PRKN: variants seen among roughly 807,000 people sequenced by gnomAD.
PRKN encodes the protein E3 ubiquitin-protein ligase parkin.
PRKN carries 56 observed loss-of-function variants against 59.5 expected under a neutral mutation model. The observed-to-expected ratio is 0.94, with a 90% confidence interval of 0.76 to 1.18. The LOEUF (loss-of-function observed/expected upper bound fraction) is 1.18, where lower values mean the gene tolerates loss of function less well. PRKN is among the 50% of genes most tolerant of loss of function. The pLI, the probability that PRKN is intolerant of heterozygous loss-of-function variation, is 0.00. For synonymous variants in PRKN, 250 were observed against 222.1 expected (o/e 1.13, Z -1.12); for missense variants, 657 against 596.4 (o/e 1.10, Z -1.06).
chr6:162,419,833 C>G (rs1788861151), intron 2 of PRKN, among the ~76,000 whole-genome samples: 1 of 151,748 alleles, frequency 6.6e-6, no homozygotes, highest in Non-Finnish European at 1.5e-5. Flanking sequence ...GAGAGAGAAC[C>G]ATTTTAGAAA....
chr6:162,529,269 A>ACCG (rs72073497), intron 1 of PRKN, among the ~76,000 whole-genome samples: 1 of 67,792 alleles, frequency 1.5e-5, no homozygotes, highest in Non-Finnish European at 5.5e-5. Context: ...GTATAAAAAT[A>ACCG]CTTCATTCAA....
chr6:161,717,329 C>A (rs1171186580), intron 7 of PRKN, among the ~76,000 whole-genome samples: 1 of 152,166 alleles, frequency 6.6e-6, no homozygotes. Context: ...AGGTCCCACC[C>A]ACCTCCCAAC....
intron 1 of PRKN, among the ~76,000 whole-genome samples, chr6:162,612,241 T>G (rs1485934784): frequency 1.5e-4 from 20 of 137,748 alleles, no homozygotes; most frequent in African/African-American, 5.4e-4. Flanking sequence ...TTTATAATAA[T>G]AGAACTTAAA....
chr6:161,943,906 T>G (rs1779667043), intron 6 of PRKN, among the ~76,000 whole-genome samples: 1 of 148,126 alleles, frequency 6.8e-6, no homozygotes, highest in Non-Finnish European at 1.5e-5. Context: ...GGATGCAGCC[T>G]GAGGGATCAG....
intron 6 of PRKN, among the ~76,000 whole-genome samples, chr6:161,912,693 A>C (rs1240222480): frequency 6.6e-6 from 1 of 152,036 alleles, no homozygotes; most frequent in African/African-American, 2.4e-5. Flanking sequence ...GCCCCAGTCA[A>C]GCCATTCCAG....
Position 161,451,506 on chromosome 6 carries a change from C to A in PRKN, c.1084-64629G>T, listed in dbSNP as rs76355624. On this transcript the variant is annotated intron_variant, in intron 9 of 11. Coordinates refer to ENST00000366898, the MANE Select transcript of PRKN (RefSeq NM_004562.3). The surrounding 1 kb of genome is among the most constrained non-coding windows in gnomAD (Gnocchi z 5.9). ...GCAGCCTCAGGATACCACCTGCCCA[C>A]GGCCCACCTGAGGGAACCTGCTGCC... is the stretch of plus-strand genomic sequence containing the variant. 2.0e-5 allele frequency among the ~76,000 whole-genome samples: 3 copies of A among 152,122 alleles called. No homozygotes were observed. Among genetic ancestry groups the A allele is most frequent in the African/African-American group, 2.4e-5 (1 of 41,396 alleles).
intron 2 of PRKN, among the ~76,000 whole-genome samples, chr6:162,417,831 G>A (rs970935144): frequency 5.3e-5 from 8 of 152,326 alleles, no homozygotes; most frequent in African/African-American, 2.4e-5. Context: ...AAGTGTGAAC[G>A]TGATCATCAC....
At chr6:162,417,111 C>T (rs936931967) in intron 2 of PRKN, among the ~76,000 whole-genome samples, 8 of 152,120 alleles carry the variant, frequency 5.3e-5, no homozygotes, top group African/African-American at 9.7e-5. Flanking sequence ...GTAAGAGATG[C>T]AAACAATATT....
At chr6:162,490,608 C>T (rs904143208) in intron 1 of PRKN, among the ~76,000 whole-genome samples, 7 of 152,148 alleles carry the variant, frequency 4.6e-5, no homozygotes. Context: ...GAATTTCATG[C>T]TTATTTGATA....
At position 162,584,219 on chromosome 6, in the gene PRKN, AAAAAAC is replaced by A. The variant is rs372955472; in HGVS notation, c.8-140752_8-140747del. On this transcript the variant is annotated intron_variant, in intron 1 of 11. Coordinates refer to ENST00000366898, the MANE Select transcript of PRKN (RefSeq NM_004562.3). ...CAGAGTGAGACTCCGTCTCAAAAAAAAAAAACAAAAAACAAAAAACAAAAAACAAAA... is the reference window on the plus strand; with the variant it reads ...CAGAGTGAGACTCCGTCTCAAAAAAAAAAAAACAAAAAACAAAAAACAAAA... Among the ~76,000 whole-genome samples the A allele has an allele frequency of 2.5e-3, 237 of 95,444 alleles. 2 individuals carry two copies. Among genetic ancestry groups the A allele is most frequent in the Middle Eastern group, 5.3e-3 (1 of 190 alleles). 62.6% of individuals were successfully genotyped at this position (95,444 alleles called of 152,430 possible).
intron 4 of PRKN, among the ~76,000 whole-genome samples, chr6:162,125,549 T>TC (rs1781091697): frequency 6.6e-6 from 1 of 152,166 alleles, no homozygotes; most frequent in African/African-American, 2.4e-5. Flanking sequence ...TAGAACACGA[T>TC]TACCCCTGTG....
intron 7 of PRKN, among the ~76,000 whole-genome samples, chr6:161,671,015 GT>G (rs1043262552): frequency 2.0e-5 from 3 of 152,040 alleles, no homozygotes; most frequent in African/African-American, 4.8e-5. Context: ...GAAATGAAGT[GT>G]TTTTTCGTGT....
At chr6:161,824,158 C>T (rs138929658) in intron 6 of PRKN, among the ~76,000 whole-genome samples, 3 of 152,140 alleles carry the variant, frequency 2.0e-5, no homozygotes, top group Admixed American at 6.5e-5. Context: ...CCCAACGCCA[C>T]GAAGTAGGGA....
Position 161,753,412 on chromosome 6 carries a change from A to G in PRKN, c.871+32360T>C, listed in dbSNP as rs181722678. ...GGAATATCCCAGTGGGATGGAGGGG[A>G]AAAAAGCCAGGTTGGAAAGAGAGAA... is the stretch of plus-strand genomic sequence containing the variant. On this transcript the variant is annotated intron_variant, in intron 7 of 11. Transcript: ENST00000366898. Among the ~76,000 whole-genome samples the G allele has an allele frequency of 1.1e-3, 170 of 152,272 alleles. 1 individual carries two copies. The highest frequency in any genetic ancestry group is 3.9e-3 in the African/African-American group (164 of 41,548).
Position 161,526,069 on chromosome 6 carries a change from T to G in PRKN, c.1083+22785A>C, listed in dbSNP as rs1348159948. Among the ~76,000 whole-genome samples the G allele has an allele frequency of 2.0e-5, 3 of 152,170 alleles. No homozygotes were observed. Among genetic ancestry groups the G allele is most frequent in the Non-Finnish European group, 2.9e-5 (2 of 68,042 alleles). ...CTAAAGACCACTGCTTGAATACAAT[T>G]AAATGATCACTCACATATAATAGTG... On this transcript the variant is annotated intron_variant, in intron 9 of 11. Transcript: ENST00000366898. The surrounding 1 kb of genome is among the most constrained non-coding windows in gnomAD (Gnocchi z 4.1).
chr6:161,474,726 C>T (rs550198029), intron 9 of PRKN, among the ~76,000 whole-genome samples: 83 of 151,612 alleles, frequency 5.5e-4, no homozygotes, highest in African/African-American at 2.0e-3. Context: ...TCCCGAGTAG[C>T]TGGGACTACA....
chr6:162,285,983 G>A (rs1781171322), intron 2 of PRKN, among the ~76,000 whole-genome samples: 1 of 152,160 alleles, frequency 6.6e-6, no homozygotes, highest in African/African-American at 2.4e-5. Context: ...TAAGCTGGGA[G>A]CTCACATCCT....
intron 2 of PRKN, among the ~76,000 whole-genome samples, chr6:162,371,089 G>A (rs747251480): frequency 2.0e-5 from 3 of 152,170 alleles, no homozygotes; most frequent in Non-Finnish European, 4.4e-5. Flanking sequence ...AAGGTGAAGC[G>A]ATTCATGCTT....
At position 161,451,969 on chromosome 6, in the gene PRKN, T is replaced by G. The variant is rs1202752178; in HGVS notation, c.1084-65092A>C. ...CTTTTTTCTTTTCTTTTCTTTTCTTTTTTTGGGATGGAGTCTCACTCTGTT... is the reference window on the plus strand; with the variant it reads ...CTTTTTTCTTTTCTTTTCTTTTCTTGTTTTGGGATGGAGTCTCACTCTGTT... On this transcript the variant is annotated intron_variant, in intron 9 of 11. Transcript: ENST00000366898. The surrounding 1 kb of genome is among the most constrained non-coding windows in gnomAD (Gnocchi z 5.9). Among the ~76,000 whole-genome samples the G allele has an allele frequency of 6.6e-6, 1 of 152,028 alleles. No individual in the cohort carries two copies. The highest frequency in any genetic ancestry group is 1.5e-5 in the Non-Finnish European group (1 of 68,034).
Sources: allele counts gnomAD v4.1 joint callset (sites outside exome capture counted in the v4.1 genomes callset), GRCh38; gene constraint gnomAD v4.1.1; non-coding constraint Gnocchi (gnomAD v3.1); transcripts MANE v1.5; gene names NCBI Gene and HGNC (gene_info 2026-07-23, HGNC 2026-07-21).